ST6GALNAC3: variants seen among roughly 807,000 people sequenced by gnomAD.
The protein encoded by ST6GALNAC3 is ST6 N-acetylgalactosaminide alpha-2,6-sialyltransferase 3, also known as alpha-N-acetylgalactosaminide alpha-2,6-sialyltransferase 3.
A neutral mutation model predicts 32.7 loss-of-function variants in ST6GALNAC3; 25 were observed. The observed-to-expected ratio is 0.76, with a 90% confidence interval of 0.56 to 1.07. The LOEUF (loss-of-function observed/expected upper bound fraction) is 1.07, where lower values mean the gene tolerates loss of function less well. Among genes scored for constraint, ST6GALNAC3 ranks in the 50% least tolerant of loss-of-function variants. The pLI is 0.00. For synonymous variants in ST6GALNAC3, 129 were observed against 133.1 expected (o/e 0.97, Z 0.21); for missense variants, 355 against 382.4 (o/e 0.93, Z 0.60).
intron 2 of ST6GALNAC3, among the ~76,000 whole-genome samples, chr1:76,359,599 A>G (rs969577933): frequency 2.0e-5 from 3 of 152,156 alleles, no homozygotes; most frequent in Non-Finnish European, 4.4e-5. Context: ...AGATTCCAGA[A>G]CTGGGAGACA....
At chr1:76,400,636 C>A (rs1408656874) in intron 2 of ST6GALNAC3, among the ~76,000 whole-genome samples, 1 of 152,106 alleles carries the variant, frequency 6.6e-6, no homozygotes, top group Non-Finnish European at 1.5e-5. Context: ...CCTGAAATCC[C>A]AGCACTTTGG....
At chr1:76,489,889 T>C (rs1299009741) in intron 3 of ST6GALNAC3, among the ~76,000 whole-genome samples, 3 of 152,150 alleles carry the variant, frequency 2.0e-5, no homozygotes, top group Admixed American at 6.5e-5. Flanking sequence ...AGCTTTTATG[T>C]CCTCTTCAGA....
Position 76,074,847 on chromosome 1 carries a change from A to C in ST6GALNAC3, c.-20A>C, listed in dbSNP as rs371059635. On this transcript the variant is annotated 5_prime_UTR_variant, in exon 1 of 5. Transcript: ENST00000328299. ...CCAGGCGCGCCCGCTGCTCGGTGGC[A>C]GGAGGGCCGGCGGAGCGCCATGGCC... The C allele has an allele frequency of 4.5e-5, 72 of 1,586,294 alleles. No individual in the cohort carries two copies. In the African/African-American group the frequency reaches 8.2e-4, roughly 18 times the overall value.
intron 3 of ST6GALNAC3, among the ~76,000 whole-genome samples, chr1:76,582,268 T>C (rs561152242): frequency 4.6e-5 from 7 of 152,306 alleles, no homozygotes; most frequent in Middle Eastern, 3.4e-3. Context: ...TAAATGAAAG[T>C]TCAAACCTAG....
chr1:76,398,537 T>C (rs1399768283), intron 2 of ST6GALNAC3, among the ~76,000 whole-genome samples: 2 of 152,146 alleles, frequency 1.3e-5, no homozygotes, highest in Non-Finnish European at 1.5e-5. Flanking sequence ...CTTTATTCTA[T>C]CTGGCTTTTG....
intron 3 of ST6GALNAC3, among the ~76,000 whole-genome samples, chr1:76,545,657 CT>C (rs35495132): frequency 0.72 from 97,130 of 134,388 alleles, 34,772 homozygotes; most frequent in Middle Eastern, 0.84. Flanking sequence ...GATGAAGAAA[CT>C]TTTTTTTTTT....
At position 76,563,751 on chromosome 1, in the gene ST6GALNAC3, C is replaced by G. The variant is rs552557217; in HGVS notation, c.624-63701C>G. 3.3e-5 allele frequency among the ~76,000 whole-genome samples: 5 copies of G among 152,154 alleles called. No individual in the cohort carries two copies. The East Asian group carries it at 9.7e-4, about 29-fold the overall frequency. On this transcript the variant is annotated intron_variant, in intron 3 of 4. Coordinates refer to ENST00000328299, the MANE Select transcript of ST6GALNAC3 (RefSeq NM_152996.4). ...GATTTTATTATGAAAATATATGAAGCAAAAAGTCTTTCTCCATAGAAAAAT... is the reference window on the plus strand; with the variant it reads ...GATTTTATTATGAAAATATATGAAGGAAAAAGTCTTTCTCCATAGAAAAAT...
At chr1:76,481,450 G>A (rs1367975979) in intron 3 of ST6GALNAC3, among the ~76,000 whole-genome samples, 2 of 152,162 alleles carry the variant, frequency 1.3e-5, no homozygotes, top group African/African-American at 4.8e-5. Context: ...GTAACTTTAA[G>A]TAGCAATTGG....
At chr1:76,404,419 A>G (rs1477021134) in intron 2 of ST6GALNAC3, among the ~76,000 whole-genome samples, 1 of 151,800 alleles carries the variant, frequency 6.6e-6, no homozygotes, top group Non-Finnish European at 1.5e-5. Flanking sequence ...GTGTAGATGA[A>G]AACAGCTTGC....
Position 76,632,087 on chromosome 1 carries a change from C to CTT in ST6GALNAC3, c.*3282_*3283dup, listed in dbSNP as rs1232138183. On this transcript the variant is annotated 3_prime_UTR_variant, in exon 5 of 5. Transcript: ENST00000328299. Reference sequence around the variant, plus strand: ...ACGCACATATATATACATCTATATACTTATAACTATATATAAAAGCATATA... The same window carrying CTT: ...ACGCACATATATATACATCTATATACTTTTATAACTATATATAAAAGCATATA... 1 of 151,952 alleles carries CTT rather than the reference C, an allele frequency of 6.6e-6. No homozygotes were observed. Among genetic ancestry groups the CTT allele is most frequent in the Non-Finnish European group, 1.5e-5 (1 of 67,978 alleles). The allele number at this position is 151,952 out of a possible 1,614,324, so 9.4% of individuals were successfully genotyped here. A position where few individuals can be genotyped will look rare whatever the true frequency, so the allele number is the denominator to read the frequency against.
chr1:76,388,309 GT>G (rs1652257901), intron 2 of ST6GALNAC3, among the ~76,000 whole-genome samples: 1 of 152,090 alleles, frequency 6.6e-6, no homozygotes, highest in Non-Finnish European at 1.5e-5. Flanking sequence ...CCTACTACTT[GT>G]TTTGCCCATT....
chr1:76,523,514 A>C (rs947178462), intron 3 of ST6GALNAC3, among the ~76,000 whole-genome samples: 7 of 152,176 alleles, frequency 4.6e-5, no homozygotes, highest in African/African-American at 1.7e-4. Context: ...TAGAGAGGCT[A>C]TCACCTTAAT....
chr1:76,353,272 T>G (rs1247449511), intron 2 of ST6GALNAC3, among the ~76,000 whole-genome samples: 1 of 152,196 alleles, frequency 6.6e-6, no homozygotes, highest in African/African-American at 2.4e-5. Context: ...CTGTACGTTC[T>G]TCGGGCCCAC....
At chr1:76,457,894 TAA>T (rs1657960468) in intron 3 of ST6GALNAC3, among the ~76,000 whole-genome samples, 1 of 150,328 alleles carries the variant, frequency 6.7e-6, no homozygotes, top group Admixed American at 6.6e-5. Flanking sequence ...GGGATCTAAT[TAA>T]ACTAAAGAGC....
At chr1:76,425,993 A>G (rs1220988577) in intron 3 of ST6GALNAC3, among the ~76,000 whole-genome samples, 5 of 151,896 alleles carry the variant, frequency 3.3e-5, no homozygotes, top group Non-Finnish European at 4.4e-5. Context: ...TAGACGATGA[A>G]TCATCTTCCT....
chr1:76,265,119 A>G (rs940426847), intron 1 of ST6GALNAC3, among the ~76,000 whole-genome samples: 2 of 152,180 alleles, frequency 1.3e-5, no homozygotes, highest in Non-Finnish European at 2.9e-5. Context: ...TACAGGTGAT[A>G]TTTGACGGTA....
At chr1:76,347,531 C>T (rs1648622568) in intron 2 of ST6GALNAC3, among the ~76,000 whole-genome samples, 1 of 151,948 alleles carries the variant, frequency 6.6e-6, no homozygotes, top group Non-Finnish European at 1.5e-5. Flanking sequence ...CAATACAATA[C>T]TTACATAATA....
At chr1:76,407,102 CA>C (rs1369687595) in intron 2 of ST6GALNAC3, among the ~76,000 whole-genome samples, 1 of 151,932 alleles carries the variant, frequency 6.6e-6, no homozygotes, top group Non-Finnish European at 1.5e-5. Context: ...TGTAAGGTGG[CA>C]AAATGTCGAG....
At position 76,498,665 on chromosome 1, in the gene ST6GALNAC3, G is replaced by A. The variant is rs182079800; in HGVS notation, c.623+86248G>A. Among the ~76,000 whole-genome samples the A allele has an allele frequency of 1.9e-3, 281 of 151,604 alleles. 2 individuals carry two copies. The highest frequency in any genetic ancestry group is 3.2e-4 in the Non-Finnish European group (22 of 67,930). On this transcript the variant is annotated intron_variant, in intron 3 of 4. Transcript: ENST00000328299. ...GGACATAAACTACTTTATCATTTAT[G>A]TAGACTTTGAGGAGTTAAAAGCTTT... is the stretch of plus-strand genomic sequence containing the variant.
Sources: allele counts gnomAD v4.1 joint callset (sites outside exome capture counted in the v4.1 genomes callset), GRCh38; gene constraint gnomAD v4.1.1; transcripts MANE v1.5; gene names NCBI Gene and HGNC (gene_info 2026-07-23, HGNC 2026-07-21).